Variants in NBPF8 observed in about 807,000 individuals in gnomAD.
NBPF8 encodes NBPF member 8, also known as NBPF family member NBPF8.
downstream of NBPF8, among the ~76,000 whole-genome samples, chr1:120,469,080 A>G (rs1661836128): frequency 6.9e-6 from 1 of 144,262 alleles, no homozygotes; most frequent in African/African-American, 2.6e-5. Flanking sequence ...GCAGAACTTC[A>G]ATCGTTTACA....
chr1:120,436,318 A>T, upstream of NBPF8: 1 of 1,522,450 alleles, frequency 6.6e-7, no homozygotes, highest in Non-Finnish European at 8.8e-7. Context: ...GAGTTGAGGC[A>T]CCTCGAACCT....
chr1:120,418,594 A>T (rs2101409889), upstream of NBPF8, among the ~76,000 whole-genome samples: 1 of 149,016 alleles, frequency 6.7e-6, no homozygotes, highest in Non-Finnish European at 1.5e-5. Context: ...TCTGTTGCCC[A>T]GGCTGGAGTG....
At chr1:120,461,016 CTG>C (rs202089337) in intron 18 of NBPF8, among the ~76,000 whole-genome samples, 11,403 of 131,112 alleles carry the variant, frequency 0.087, 528 homozygotes, top group Admixed American at 0.12. Context: ...TGAGCTCGAA[CTG>C]TGTGTGTGTG....
At chr1:120,431,596 A>C (rs1660883466), upstream of NBPF8, among the ~76,000 whole-genome samples, 1 of 151,456 alleles carries the variant, frequency 6.6e-6, no homozygotes, top group African/African-American at 2.4e-5. Flanking sequence ...CTACATATCC[A>C]TAAGAATGGC....
chr1:120,431,252 CGTGTGTGT>C lies in NBPF8; in HGVS notation n.510+3428_510+3435del, dbSNP rs1173094212. The stretch of plus-strand genomic sequence containing the variant: ...ATGTATACACACATACACACACAAA[CGTGTGTGT>C]GTGTGTGTGTGTGTGTGTGTGTATA... On this transcript the variant is annotated intron_variant and non_coding_transcript_variant, in intron 3 of 28. Coordinates refer to the NBPF8 transcript ENST00000652355. Among the ~76,000 whole-genome samples the C allele has an allele frequency of 8.9e-4, 112 of 125,316 alleles. 1 individual carries two copies. Among genetic ancestry groups the C allele is most frequent in the East Asian group, 1.9e-3 (9 of 4,628 alleles). 82.2% of individuals were successfully genotyped at this position (125,316 alleles called of 152,430 possible).
upstream of NBPF8, among the ~76,000 whole-genome samples, chr1:120,431,359 AATATATATATATATATATATATAT>A (rs869036983): frequency 2.3e-3 from 97 of 42,052 alleles, 3 homozygotes; most frequent in Middle Eastern, 0.11. Flanking sequence ...CCAAATAGGG[AATATATATATATATATATATATAT>A]ATATATATAT....
upstream of NBPF8, among the ~76,000 whole-genome samples, chr1:120,435,515 A>G (rs1661043209): frequency 1.6e-5 from 2 of 128,212 alleles, no homozygotes; most frequent in African/African-American, 3.3e-5. Context: ...GAAAAACACA[A>G]TCAAACAAAT....
chr1:120,464,255 A>T (rs1661678320), intron 22 of NBPF8, 121 bp from the exon 21 acceptor site: 1 of 642,248 alleles, frequency 1.6e-6, no homozygotes, highest in African/African-American at 2.1e-5. Flanking sequence ...TTGTTACCTC[A>T]TTAATGGATC....
chr1:120,422,470 A>T (rs1489305721), intron 1 of NBPF8, among the ~76,000 whole-genome samples: 1 of 123,972 alleles, frequency 8.1e-6, no homozygotes, highest in Non-Finnish European at 1.7e-5. Flanking sequence ...AGAATGTCCT[A>T]GAGTTGGAAT....
In NBPF8 at chr1:120,462,338, G is replaced by A. The variant is rs1661614772; in HGVS notation, n.3061+141G>A. The A allele has an allele frequency of 5.8e-6, 4 of 689,304 alleles. No individual in the cohort carries two copies. In the Admixed American group the frequency reaches 6.4e-5, roughly 11 times the overall value. 42.7% of individuals were successfully genotyped at this position (689,304 alleles called of 1,614,324 possible). ...CCTGACATTGCTGTTGGTTTTCATT[G>A]CAGAAGATGTTTAGGTTTCCATTTC... On this transcript the variant is annotated intron_variant and non_coding_transcript_variant, in intron 20 of 24. Coordinates refer to ENST00000583271, the Ensembl canonical transcript of NBPF8.
chr1:120,436,067 G>T (rs1440512336), upstream of NBPF8, among the ~76,000 whole-genome samples: 4 of 151,858 alleles, frequency 2.6e-5, no homozygotes, highest in Admixed American at 6.6e-5. Flanking sequence ...TGTCACAAGG[G>T]TACACGAATA....
At chr1:120,461,016 CTGTGTGTG>C (rs202089337) in intron 18 of NBPF8, among the ~76,000 whole-genome samples, 4,645 of 131,274 alleles carry the variant, frequency 0.035, 110 homozygotes, top group African/African-American at 0.067. Context: ...TGAGCTCGAA[CTGTGTGTG>C]TGTGTGTGTG....
chr1:120,452,177 G>C, exon 13 of NBPF8: 1 of 1,596,524 alleles, frequency 6.3e-7, no homozygotes, highest in Non-Finnish European at 8.5e-7. Flanking sequence ...GGGAGAAGTT[G>C]CGGGAAGGGA....
At chr1:120,452,743 G>A (rs1164196987) in intron 13 of NBPF8, among the ~76,000 whole-genome samples, 4 of 152,294 alleles carry the variant, frequency 2.6e-5, no homozygotes, top group Middle Eastern at 3.4e-3. Flanking sequence ...TCTCTCCGTG[G>A]CAGACAAATT....
In NBPF8 at chr1:120,464,549, G is replaced by T; in HGVS notation, n.3459+1G>T. ...GTTGGCTTTTCTCTTGACGTGGGAGGTGAGTACCTTTCTATGAAGGTGATA... is the reference window on the plus strand; with the variant it reads ...GTTGGCTTTTCTCTTGACGTGGGAGTTGAGTACCTTTCTATGAAGGTGATA... On this transcript the variant is annotated splice_donor_variant and non_coding_transcript_variant, in intron 23 of 24. Transcript: ENST00000583271. 2.6e-6 allele frequency: 2 copies of T among 776,068 alleles called. No homozygotes were observed. Among genetic ancestry groups the T allele is most frequent in the Non-Finnish European group, 4.7e-6 (2 of 421,670 alleles). 48.1% of individuals were successfully genotyped at this position (776,068 alleles called of 1,614,324 possible). A position where few individuals can be genotyped will look rare whatever the true frequency, so the allele number is the denominator to read the frequency against.
At chr1:120,456,592 CT>C (rs1217258155) in intron 16 of NBPF8, among the ~76,000 whole-genome samples, 2 of 131,608 alleles carry the variant, frequency 1.5e-5, no homozygotes, top group African/African-American at 3.4e-5. Flanking sequence ...CAACCCCTGC[CT>C]TTTTTTGTTT....
At chr1:120,454,567 G>T (rs1263308643) in intron 15 of NBPF8, among the ~76,000 whole-genome samples, 36 of 152,028 alleles carry the variant, frequency 2.4e-4, no homozygotes, top group Non-Finnish European at 4.3e-4. Context: ...TTGCTTAGCT[G>T]CACAGTCACC....
chr1:120,460,620 C>G, exon 18 of NBPF8: 2 of 1,356,776 alleles, frequency 1.5e-6, no homozygotes, highest in Admixed American at 1.7e-5. Flanking sequence ...GGCAACAGGT[C>G]CCAGGTGAGT....
chr1:120,452,746 G>C (rs1553249110), intron 13 of NBPF8, among the ~76,000 whole-genome samples: 8,934 of 151,000 alleles, frequency 0.059, 458 homozygotes, highest in African/African-American at 0.16. Flanking sequence ...CTCCGTGGCA[G>C]ACAAATTGTC....
Sources: gnomAD v4.1 joint callset for allele counts (sites outside exome capture counted in the v4.1 genomes callset) on GRCh38, gnomAD v4.1.1 for gene constraint, MANE v1.5 for transcripts, NCBI Gene and HGNC (gene_info 2026-07-23, HGNC 2026-07-21) for gene names.